QTGAL: variants seen among roughly 807,000 people sequenced by gnomAD.
QTGAL encodes queuosine-tRNA galactosyltransferase.
the QTGAL span, among the ~76,000 whole-genome samples, chr17:82,989,158 T>A: frequency 1.3e-5 from 2 of 152,310 alleles, no homozygotes; most frequent in South Asian, 4.1e-4. Flanking sequence ...TGGAATATTA[T>A]GTAGTCATAA....
chr17:83,036,628 G>A, the QTGAL span, among the ~76,000 whole-genome samples: 2 of 152,310 alleles, frequency 1.3e-5, no homozygotes, highest in South Asian at 2.1e-4. Context: ...GGGATAGGGA[G>A]GCCTAAAGGG....
At chr17:82,969,389 A>G in the QTGAL span, among the ~76,000 whole-genome samples, 1 of 152,136 alleles carries the variant, frequency 6.6e-6, no homozygotes, top group Admixed American at 6.5e-5. Flanking sequence ...TTGTATTTTT[A>G]GTAGGGACAG....
the QTGAL span, among the ~76,000 whole-genome samples, chr17:83,029,690 G>A: frequency 1.3e-5 from 2 of 152,160 alleles, no homozygotes; most frequent in Non-Finnish European, 2.9e-5. Flanking sequence ...GACACAGCGC[G>A]TCTGCACGAA....
chr17:83,034,518 T>A, the QTGAL span, among the ~76,000 whole-genome samples: 1 of 152,006 alleles, frequency 6.6e-6, no homozygotes, highest in Non-Finnish European at 1.5e-5. Context: ...CTTGAATTAA[T>A]AACTGATAAG....
the QTGAL span, among the ~76,000 whole-genome samples, chr17:83,023,801 G>A: frequency 2.0e-5 from 3 of 152,318 alleles, no homozygotes; most frequent in East Asian, 1.9e-4. Flanking sequence ...GAGCTGGAAG[G>A]GAAAGTGGAA....
At chr17:82,977,916 C>T in the QTGAL span, among the ~76,000 whole-genome samples, 9 of 152,252 alleles carry the variant, frequency 5.9e-5, no homozygotes, top group African/African-American at 1.2e-4. Context: ...CCAGCATTTC[C>T]GCTCCATCCC....
the QTGAL span, among the ~76,000 whole-genome samples, chr17:83,016,252 GAAT>G: frequency 6.6e-6 from 1 of 152,170 alleles, no homozygotes; most frequent in Non-Finnish European, 1.5e-5. Context: ...GCAGAAATAA[GAAT>G]AATGTCATTG....
At chr17:83,014,563 T>C in the QTGAL span, 1 of 1,591,826 alleles carries the variant, frequency 6.3e-7, no homozygotes, top group Non-Finnish European at 8.6e-7. Context: ...TTGCATTGAT[T>C]GATGCATAGA....
chr17:83,026,656 C>T, the QTGAL span, among the ~76,000 whole-genome samples: 4 of 143,264 alleles, frequency 2.8e-5, no homozygotes, highest in African/African-American at 7.8e-5. Context: ...AACCCACCCT[C>T]GACAGACACA....
the QTGAL span, among the ~76,000 whole-genome samples, chr17:82,994,192 A>G: frequency 2.0e-5 from 3 of 152,154 alleles, no homozygotes; most frequent in African/African-American, 7.2e-5. Flanking sequence ...AGAAAATACA[A>G]AAGATCAATG....
At chr17:82,980,443 T>C in the QTGAL span, among the ~76,000 whole-genome samples, 4 of 152,086 alleles carry the variant, frequency 2.6e-5, no homozygotes, top group African/African-American at 7.2e-5. Context: ...CCCCCCCAGG[T>C]GAGGGCTCAG....
At chr17:83,026,187 C>T in the QTGAL span, among the ~76,000 whole-genome samples, 16 of 152,314 alleles carry the variant, frequency 1.1e-4, no homozygotes, top group African/African-American at 3.4e-4. Context: ...AAGTGAACCC[C>T]CCGGAATTCT....
chr17:83,009,723 A>T, the QTGAL span, among the ~76,000 whole-genome samples: 2 of 152,030 alleles, frequency 1.3e-5, no homozygotes. Flanking sequence ...GCTGGGTGCG[A>T]GGGAGGAAGG....
chr17:83,035,515 C>T, the QTGAL span, among the ~76,000 whole-genome samples: 1 of 151,926 alleles, frequency 6.6e-6, no homozygotes, highest in Non-Finnish European at 1.5e-5. Context: ...TGCACTGCCA[C>T]CAAAAATGTG....
chr17:83,012,912 C>T, the QTGAL span, among the ~76,000 whole-genome samples: 3 of 151,946 alleles, frequency 2.0e-5, no homozygotes, highest in African/African-American at 7.3e-5. Context: ...TCCCTAGATC[C>T]CCGGGCCCCC....
At chr17:83,047,290 C>T in the QTGAL span, among the ~76,000 whole-genome samples, 1 of 152,282 alleles carries the variant, frequency 6.6e-6, no homozygotes, top group African/African-American at 2.4e-5. Flanking sequence ...GGTGAGGCCC[C>T]ACCCTCATGT....
the QTGAL span, among the ~76,000 whole-genome samples, chr17:83,033,547 C>T: frequency 3.8e-4 from 57 of 151,352 alleles, 1 homozygote; most frequent in Middle Eastern, 0.01. Flanking sequence ...TCTCGGCTCA[C>T]TGCAAGCTCC....
the QTGAL span, among the ~76,000 whole-genome samples, chr17:82,965,274 C>T: frequency 6.6e-6 from 1 of 151,970 alleles, no homozygotes; most frequent in East Asian, 1.9e-4. Context: ...CCTGCAGGTG[C>T]ACCCCCGGGG....
At chr17:82,970,051 G>A in the QTGAL span, among the ~76,000 whole-genome samples, 1 of 152,190 alleles carries the variant, frequency 6.6e-6, no homozygotes, top group African/African-American at 2.4e-5. Context: ...GTGAAATAAC[G>A]CAGTTCTATG....
Sources: allele counts gnomAD v4.1 joint callset (sites outside exome capture counted in the v4.1 genomes callset), GRCh38; gene constraint gnomAD v4.1.1; transcripts MANE v1.5; gene names NCBI Gene and HGNC (gene_info 2026-07-23, HGNC 2026-07-21).